Variants in RIT2 observed in about 807,000 individuals in gnomAD.
The protein encoded by RIT2 is GTP-binding protein Rit2.
RIT2 carries 24 observed loss-of-function variants against 23.7 expected under a neutral mutation model. That is an observed-to-expected ratio of 1.01 (90% confidence interval 0.73 to 1.43). The LOEUF (loss-of-function observed/expected upper bound fraction) is 1.43, where lower values mean the gene tolerates loss of function less well. Ranked by LOEUF, RIT2 falls within the 40% of genes most tolerant of loss-of-function variation. The pLI is 0.00. For missense variants in RIT2, 236 were observed against 266.9 expected (o/e 0.88, Z 0.81); for synonymous variants, 107 against 91.1 (o/e 1.17, Z -0.99).
chr18:42,967,997 A>C (rs1355639915), intron 3 of RIT2, among the ~76,000 whole-genome samples: 3 of 152,136 alleles, frequency 2.0e-5, no homozygotes, highest in Non-Finnish European at 4.4e-5. Context: ...TATATCTGAC[A>C]CTAATATCAA....
chr18:43,009,781 G>A (rs780177200), intron 2 of RIT2, among the ~76,000 whole-genome samples: 31 of 151,770 alleles, frequency 2.0e-4, no homozygotes, highest in Non-Finnish European at 3.4e-4. Flanking sequence ...CTGATGCAGC[G>A]TTGAGAATGC....
intron 3 of RIT2, among the ~76,000 whole-genome samples, chr18:42,938,085 G>T (rs1272760886): frequency 6.6e-6 from 1 of 150,744 alleles, no homozygotes; most frequent in Non-Finnish European, 1.5e-5. Flanking sequence ...TTGTAAAGAG[G>T]AAATATGATA....
chr18:43,013,397 A>G (rs150169418), intron 2 of RIT2, among the ~76,000 whole-genome samples: 772 of 151,938 alleles, frequency 5.1e-3, no homozygotes, highest in Non-Finnish European at 8.1e-3. Context: ...ATGTCCAGGA[A>G]TCGTGACTGA....
chr18:42,863,292 A>T (rs1037424639), intron 4 of RIT2, among the ~76,000 whole-genome samples: 2 of 152,180 alleles, frequency 1.3e-5, no homozygotes, highest in African/African-American at 4.8e-5. Flanking sequence ...ATTCAAGGGT[A>T]TGTAGGTGTG....
intron 3 of RIT2, among the ~76,000 whole-genome samples, chr18:42,925,780 T>C (rs1294865830): frequency 6.6e-6 from 1 of 151,698 alleles, no homozygotes; most frequent in Non-Finnish European, 1.5e-5. Context: ...CATATACATA[T>C]TCCTTCTTCC....
At chr18:42,907,361 T>C (rs1908650407) in intron 4 of RIT2, among the ~76,000 whole-genome samples, 1 of 152,188 alleles carries the variant, frequency 6.6e-6, no homozygotes, top group Non-Finnish European at 1.5e-5. Context: ...CTTGGAATGA[T>C]GGAAGTGGAC....
intron 1 of RIT2, among the ~76,000 whole-genome samples, chr18:43,068,297 C>A (rs1213561384): frequency 2.6e-5 from 4 of 152,028 alleles, no homozygotes; most frequent in Non-Finnish European, 5.9e-5. Flanking sequence ...CAAGATCACA[C>A]AGGTAGTTAG....
At chr18:42,921,370 G>A (rs1046925787) in intron 4 of RIT2, among the ~76,000 whole-genome samples, 5 of 152,080 alleles carry the variant, frequency 3.3e-5, no homozygotes, top group Non-Finnish European at 7.4e-5. Flanking sequence ...TATCTACAAG[G>A]AAAAGACTAT....
chr18:42,988,307 C>T (rs565809919), intron 2 of RIT2, among the ~76,000 whole-genome samples: 57 of 152,172 alleles, frequency 3.7e-4, no homozygotes, highest in African/African-American at 1.0e-3. Flanking sequence ...CCTATTTTTA[C>T]GGTAACACTA....
At chr18:42,928,887 A>T (rs1909250859) in intron 3 of RIT2, among the ~76,000 whole-genome samples, 1 of 151,590 alleles carries the variant, frequency 6.6e-6, no homozygotes, top group Admixed American at 6.6e-5. Context: ...TATTTGACAC[A>T]TATTTTGAGG....
At chr18:42,914,672 T>G (rs1343177281) in intron 4 of RIT2, among the ~76,000 whole-genome samples, 1 of 151,938 alleles carries the variant, frequency 6.6e-6, no homozygotes, top group Non-Finnish European at 1.5e-5. Flanking sequence ...CTCAGAGTAA[T>G]GGCAGAGTTG....
At chr18:42,989,538 TTAA>T (rs1910790925) in intron 2 of RIT2, among the ~76,000 whole-genome samples, 1 of 152,220 alleles carries the variant, frequency 6.6e-6, no homozygotes, top group South Asian at 2.1e-4. Context: ...TGGAAAAATA[TTAA>T]TGAGATATTT....
chr18:43,001,501 A>T (rs1598744289), intron 2 of RIT2, among the ~76,000 whole-genome samples: 1 of 151,990 alleles, frequency 6.6e-6, no homozygotes, highest in Non-Finnish European at 1.5e-5. Flanking sequence ...AGTCAGAGAG[A>T]TGTGGTAAAA....
chr18:43,091,396 A>T (rs963038878), intron 1 of RIT2, among the ~76,000 whole-genome samples: 1 of 152,044 alleles, frequency 6.6e-6, no homozygotes, highest in African/African-American at 2.4e-5. Context: ...AGATTCACTA[A>T]TATCTTTGGG....
intron 4 of RIT2, among the ~76,000 whole-genome samples, chr18:42,894,328 A>C (rs1207877819): frequency 2.0e-5 from 3 of 152,236 alleles, no homozygotes; most frequent in Admixed American, 1.3e-4. Context: ...AACTGAATCC[A>C]ATAATCAGCA....
intron 1 of RIT2, among the ~76,000 whole-genome samples, chr18:43,049,710 A>C (rs2144307263): frequency 6.6e-6 from 1 of 152,214 alleles, no homozygotes; most frequent in Middle Eastern, 3.4e-3. Flanking sequence ...ATTAATAGTT[A>C]ATGATGCACA....
chr18:43,033,329 A>C (rs1242907852), intron 2 of RIT2, among the ~76,000 whole-genome samples: 2 of 152,144 alleles, frequency 1.3e-5, no homozygotes, highest in African/African-American at 4.8e-5. Flanking sequence ...CTTAAATGTC[A>C]GTTTCCTAAC....
intron 4 of RIT2, among the ~76,000 whole-genome samples, chr18:42,889,733 A>T (rs1045504204): frequency 2.6e-5 from 4 of 152,160 alleles, no homozygotes; most frequent in Non-Finnish European, 5.9e-5. Flanking sequence ...ACATTTATAC[A>T]TATAATCACA....
intron 2 of RIT2, among the ~76,000 whole-genome samples, chr18:42,986,325 G>A (rs1212144497): frequency 2.0e-5 from 3 of 151,314 alleles, no homozygotes; most frequent in South Asian, 2.1e-4. Flanking sequence ...CACCTTGCCC[G>A]GCCCATATCC....
Sources: gnomAD v4.1 joint callset for allele counts (sites outside exome capture counted in the v4.1 genomes callset) on GRCh38, gnomAD v4.1.1 for gene constraint, MANE v1.5 for transcripts, NCBI Gene and HGNC (gene_info 2026-07-23, HGNC 2026-07-21) for gene names.